CADPS: variants seen among roughly 807,000 people sequenced by gnomAD.
CADPS encodes the protein calcium dependent secretion activator, also known as calcium-dependent secretion activator 1.
Under a neutral mutation model 167.3 loss-of-function variants are expected in CADPS, and 57 were observed. The observed-to-expected ratio is 0.34, with a 90% CI of 0.28 to 0.42. The LOEUF (loss-of-function observed/expected upper bound fraction) is 0.42. Among genes scored for constraint, CADPS ranks in the 20% least tolerant of loss-of-function variants. The pLI is 1.00. For missense variants in CADPS, 1,414 were observed against 1,738.1 expected (o/e 0.81, Z 3.32); for synonymous variants, 676 against 635.3 (o/e 1.06, Z -0.96).
chr3:62,826,429 G>A (rs2074049526), intron 1 of CADPS, among the ~76,000 whole-genome samples: 1 of 152,088 alleles, frequency 6.6e-6, no homozygotes, highest in Non-Finnish European at 1.5e-5. Flanking sequence ...TATTGTTGGG[G>A]AAAAATGGGG....
intron 2 of CADPS, among the ~76,000 whole-genome samples, chr3:62,754,013 G>C (rs950641072): frequency 6.6e-6 from 1 of 152,148 alleles, no homozygotes; most frequent in African/African-American, 2.4e-5. Context: ...TTGGTGCAAG[G>C]ATTAAATGAG....
At chr3:62,571,136 C>T (rs1325591144) in intron 8 of CADPS, among the ~76,000 whole-genome samples, 198 bp from the exon 9 acceptor site, 3 of 152,128 alleles carry the variant, frequency 2.0e-5, no homozygotes, top group Admixed American at 6.5e-5. Context: ...GGAATTGAGG[C>T]CTATCATGAG....
chr3:62,854,808 T>A (rs1169496360), intron 1 of CADPS, among the ~76,000 whole-genome samples: 2 of 152,204 alleles, frequency 1.3e-5, no homozygotes, highest in African/African-American at 2.4e-5. Flanking sequence ...AAAATAGAGA[T>A]GGAGTGCTAG....
intron 3 of CADPS, among the ~76,000 whole-genome samples, chr3:62,717,079 T>C (rs1039214303): frequency 4.6e-5 from 7 of 152,212 alleles, no homozygotes; most frequent in African/African-American, 1.7e-4. Context: ...AATAGATTGA[T>C]TTTGTAATTT....
At chr3:62,613,791 A>G (rs2061846518) in intron 6 of CADPS, among the ~76,000 whole-genome samples, 1 of 152,202 alleles carries the variant, frequency 6.6e-6, no homozygotes, top group Non-Finnish European at 1.5e-5. Context: ...GCTGAAATGA[A>G]GGAGACAATA....
In CADPS at chr3:62,455,135, C is replaced by CA. The variant is rs1322695177; in HGVS notation, c.3637-9339dup. ...TATGTTCTCATCTCCCCCCACCCCC[C>CA]ACCCCCTGGGGCTTCTGAACAGATG... is the stretch of plus-strand genomic sequence containing the variant. On this transcript the variant is annotated intron_variant, in intron 26 of 29. Coordinates refer to ENST00000383710, the MANE Select transcript of CADPS (RefSeq NM_003716.4). This position sits in a 1 kb window ranked among gnomAD's most constrained non-coding sequence, Gnocchi z 4.4. Among the ~76,000 whole-genome samples, 1 of 118,124 alleles carries CA rather than the reference C, an allele frequency of 8.5e-6. No homozygotes were observed. Among genetic ancestry groups the CA allele is most frequent in the Non-Finnish European group, 1.7e-5 (1 of 60,058 alleles). 77.5% of individuals were successfully genotyped at this position (118,124 alleles called of 152,430 possible).
intron 1 of CADPS, among the ~76,000 whole-genome samples, chr3:62,852,629 G>A (rs1479441264): frequency 1.3e-5 from 2 of 151,602 alleles, no homozygotes; most frequent in East Asian, 3.9e-4. Flanking sequence ...TGGCCCAGGT[G>A]GTCCCCAGTT....
chr3:62,499,155 T>C lies in CADPS; in HGVS notation c.2706+7A>G. ...AGTAAGATACACTTCCCACCAAGCC[T>C]GCTCACCTCTGCGTGGTGCTCCTCA... On this transcript the variant is annotated splice_region_variant and intron_variant, in intron 18 of 29. Transcript: ENST00000383710. 1 of 1,582,662 alleles carries C rather than the reference T, an allele frequency of 6.3e-7. No homozygotes were observed. Among genetic ancestry groups the C allele is most frequent in the African/African-American group, 1.3e-5 (1 of 74,460 alleles).
chr3:62,710,602 T>C (rs116767561), intron 3 of CADPS, among the ~76,000 whole-genome samples: 145 of 151,824 alleles, frequency 9.6e-4, no homozygotes, highest in South Asian at 2.1e-3. Context: ...GTCAGTAATA[T>C]ACATTATCCC....
At chr3:62,721,551 C>A (rs567610517) in intron 3 of CADPS, among the ~76,000 whole-genome samples, 1 of 152,024 alleles carries the variant, frequency 6.6e-6, no homozygotes, top group African/African-American at 2.4e-5. Context: ...ACTGCTGTGA[C>A]GCTTCCTGAA....
Position 62,421,353 on chromosome 3 carries a change from C to A in CADPS, c.3777+16751G>T, listed in dbSNP as rs891381498. ...CTCAGTACTTGAGGCGCACAGCGAGCGCCTGAATGGGGCAAACCTCCTAAG... is the reference window on the plus strand; with the variant it reads ...CTCAGTACTTGAGGCGCACAGCGAGAGCCTGAATGGGGCAAACCTCCTAAG... On this transcript the variant is annotated intron_variant, in intron 28 of 29. Coordinates refer to ENST00000383710, the MANE Select transcript of CADPS (RefSeq NM_003716.4). The surrounding 1 kb of genome is among the most constrained non-coding windows in gnomAD (Gnocchi z 4.7). 2.0e-5 allele frequency among the ~76,000 whole-genome samples: 3 copies of A among 152,052 alleles called. No homozygotes were observed. The highest frequency in any genetic ancestry group is 7.2e-5 in the African/African-American group (3 of 41,386).
Position 62,544,632 on chromosome 3 carries a change from A to T in CADPS, c.1966+5271T>A, listed in dbSNP as rs947808903. On this transcript the variant is annotated intron_variant, in intron 11 of 29. Transcript: ENST00000383710. The surrounding 1 kb of genome is among the most constrained non-coding windows in gnomAD (Gnocchi z 4.4). ...CAGAGGATCATTTGATGCCAATATG[A>T]AAGCCAAGGAGAGGAGGCAATTATG... Among the ~76,000 whole-genome samples the T allele has an allele frequency of 6.6e-6, 1 of 152,168 alleles. No individual in the cohort carries two copies. Among genetic ancestry groups the T allele is most frequent in the Non-Finnish European group, 1.5e-5 (1 of 68,008 alleles).
chr3:62,857,519 A>G (rs776649595), intron 1 of CADPS, among the ~76,000 whole-genome samples: 7 of 152,096 alleles, frequency 4.6e-5, no homozygotes, highest in Non-Finnish European at 1.0e-4. Context: ...CATAAAATGG[A>G]TTGCTACAAA....
chr3:62,781,179 G>C (rs921431000), intron 1 of CADPS, among the ~76,000 whole-genome samples: 1 of 152,096 alleles, frequency 6.6e-6, no homozygotes, highest in African/African-American at 2.4e-5. Context: ...AACATAACCA[G>C]GAGACTTGTC....
At chr3:62,702,577 G>C (rs1377407244) in intron 3 of CADPS, among the ~76,000 whole-genome samples, 1 of 152,088 alleles carries the variant, frequency 6.6e-6, no homozygotes, top group Non-Finnish European at 1.5e-5. Context: ...ATAGTACCGG[G>C]TCACTGACTG....
Position 62,585,222 on chromosome 3 carries a change from C to A in CADPS, c.1540G>T (p.Val514Phe). 6.2e-7 allele frequency: 1 copy of A among 1,614,004 alleles called. No homozygotes were observed. ...PDQDLKIKLA[V>F]RMDKPQNMKH... is the part of the protein sequence containing the mutation. ...ATGTTTTGAGGCTTATCCATTCGGA[C>A]AGCAAGTTTGATTTTGAGATCTTGG... Residue 514 changes from valine (V) to phenylalanine (F), a missense_variant, in exon 8 of 30, where the codon GTC becomes TTC. Coordinates refer to ENST00000383710, the MANE Select transcript of CADPS (RefSeq NM_003716.4).
chr3:62,673,634 T>C (rs538516474), intron 3 of CADPS, among the ~76,000 whole-genome samples: 1 of 152,326 alleles, frequency 6.6e-6, no homozygotes, highest in South Asian at 2.1e-4. Context: ...AGAAGAGTTA[T>C]ATTTTTCAAA....
chr3:62,418,706 CA>C (rs1446536620), intron 28 of CADPS, among the ~76,000 whole-genome samples: 1 of 151,792 alleles, frequency 6.6e-6, no homozygotes, highest in Admixed American at 6.6e-5. Context: ...AAGAGCAAGG[CA>C]AAAACCTTCA....
At chr3:62,510,497 C>T (rs2067579885) in intron 17 of CADPS, among the ~76,000 whole-genome samples, 1 of 152,110 alleles carries the variant, frequency 6.6e-6, no homozygotes, top group African/African-American at 2.4e-5. Flanking sequence ...TAATAGAATT[C>T]ATTTGCAGGA....
Sources: allele counts gnomAD v4.1 joint callset (sites outside exome capture counted in the v4.1 genomes callset), GRCh38; gene constraint gnomAD v4.1.1; non-coding constraint Gnocchi (gnomAD v3.1); transcripts MANE v1.5; gene names NCBI Gene and HGNC (gene_info 2026-07-23, HGNC 2026-07-21).